The following USP14 variants were observed in gnomAD, a reference collection of about 807,000 sequenced individuals.
USP14 encodes the protein ubiquitin specific peptidase 14, also known as ubiquitin carboxyl-terminal hydrolase 14.
USP14 carries 38 observed loss-of-function variants against 76.5 expected under a neutral mutation model. That is an observed-to-expected ratio of 0.50 (90% CI 0.38 to 0.65). The LOEUF (loss-of-function observed/expected upper bound fraction) is 0.65. Ranked by LOEUF, USP14 falls within the 30% of genes least tolerant of loss-of-function variation. USP14 has a pLI of 0.00. For synonymous variants in USP14, 192 were observed against 191.7 expected, an observed-to-expected ratio of 1.00 and a Z score of -0.01; for missense variants, 467 against 586.5, an observed-to-expected ratio of 0.80 and a Z score of 2.10.
intron 6 of USP14, among the ~76,000 whole-genome samples, chr18:193,446 T>C (rs1187759786): frequency 1.3e-5 from 2 of 152,196 alleles, no homozygotes; most frequent in Non-Finnish European, 2.9e-5. Context: ...TTTATTGATA[T>C]AGTGTACATA....
intron 3 of USP14, among the ~76,000 whole-genome samples, chr18:176,594 T>C: frequency 6.6e-6 from 1 of 152,220 alleles, no homozygotes; most frequent in African/African-American, 2.4e-5. Context: ...GAGTGCTTAG[T>C]ATATATGGTA....
At position 204,733 on chromosome 18, in the gene USP14, T is replaced by TCTCC. The variant is rs753330679; in HGVS notation, c.1164+43_1164+46dup. The TCTCC allele has an allele frequency of 1.9e-6, 3 of 1,597,652 alleles. No individual in the cohort carries two copies. The East Asian group carries it at 6.7e-5, about 36-fold the overall frequency. On this transcript the variant is annotated intron_variant, in intron 13 of 15. Coordinates refer to ENST00000261601, the MANE Select transcript of USP14 (RefSeq NM_005151.4). ...TGACTTTATACTCTTAATATCTTAA[T>TCTCC]CTCCCATCAGTGCTCAGCAATTACT...
rs1359339882 is a variant in USP14, at chr18:173,366, C to T, written c.196-5567C>T. Among the ~76,000 whole-genome samples, 3 of 151,868 alleles carry T rather than the reference C, an allele frequency of 2.0e-5. No homozygotes were observed. In the East Asian group the frequency reaches 5.8e-4, roughly 29 times the overall value. On this transcript the variant is annotated intron_variant, in intron 3 of 15. Coordinates refer to ENST00000261601, the MANE Select transcript of USP14 (RefSeq NM_005151.4). ...GACCTCGTGATCAGCCCGCCTTGGC[C>T]TCCCAAAGTGCTGGGATTACAGGCT...
intron 10 of USP14, among the ~76,000 whole-genome samples, chr18:199,890 T>A (rs1343447308): frequency 6.6e-6 from 1 of 152,226 alleles, no homozygotes; most frequent in Non-Finnish European, 1.5e-5. Flanking sequence ...ATTCATTGAT[T>A]CAGTGCTTGT....
rs574424143 is a variant in USP14 at position 213,929 on chromosome 18, TA to T, written c.*2648del. On this transcript the variant is annotated 3_prime_UTR_variant, in exon 16 of 16. Coordinates refer to ENST00000261601, the MANE Select transcript of USP14 (RefSeq NM_005151.4). ...GTGAGGTTTTAGACTTCATTTCTTT[TA>T]AAGTTGGCAAACAAACATTTTCTGT... 1 of 152,010 alleles carries T rather than the reference TA, an allele frequency of 6.6e-6. No homozygotes were observed. The highest frequency in any genetic ancestry group is 1.9e-4 in the East Asian group (1 of 5,192). 9.4% of individuals were successfully genotyped at this position (152,010 alleles called of 1,614,324 possible).
chr18:188,138 T>A (rs1909983398), intron 5 of USP14, among the ~76,000 whole-genome samples: 1 of 152,288 alleles, frequency 6.6e-6, no homozygotes, highest in Non-Finnish European at 1.5e-5. Context: ...TGATCTTGGG[T>A]TTGGTGGAAA....
rs191396180 is a variant in USP14, at chr18:205,752, A to G, written c.1164+1060A>G. ...GCCATGATTGTGCCACAGCACTCCA[A>G]CCTGTATAACAAAGCAAGACTCTGT... On this transcript the variant is annotated intron_variant, in intron 13 of 15. Coordinates refer to ENST00000261601, the MANE Select transcript of USP14 (RefSeq NM_005151.4). Among the ~76,000 whole-genome samples the G allele has an allele frequency of 1.5e-3, 234 of 152,168 alleles. 1 individual carries two copies. Among genetic ancestry groups the G allele is most frequent in the Non-Finnish European group, 2.4e-3 (164 of 68,014 alleles).
intron 5 of USP14, among the ~76,000 whole-genome samples, chr18:182,799 G>C (rs1909821061): frequency 6.6e-6 from 1 of 152,168 alleles, no homozygotes; most frequent in Non-Finnish European, 1.5e-5. Flanking sequence ...CTGGAGGAAA[G>C]AGTTTTTAAG....
intron 11 of USP14, 54 bp downstream of exon 11, chr18:202,999 GTTAA>G (rs1248556729): frequency 6.2e-7 from 1 of 1,605,880 alleles, no homozygotes; most frequent in Admixed American, 1.7e-5. Context: ...AATATTTCCA[GTTAA>G]TTAATTTTAT....
Position 211,400 on chromosome 18 carries a change from G to A in USP14, c.*116G>A. The A allele has an allele frequency of 9.0e-7, 1 of 1,108,484 alleles. No homozygotes were observed. Among genetic ancestry groups the A allele is most frequent in the Non-Finnish European group, 1.3e-6 (1 of 796,550 alleles). 68.7% of individuals were successfully genotyped at this position (1,108,484 alleles called of 1,614,324 possible). On this transcript the variant is annotated 3_prime_UTR_variant, in exon 16 of 16. Transcript: ENST00000261601. ...GTGGGTTTATGTTTCACCTCATTTG[G>A]AACAAAAGAGGACAGAAGCAGACCA...
At chr18:194,883 A>G (rs1237988881) in intron 6 of USP14, among the ~76,000 whole-genome samples, 1 of 152,186 alleles carries the variant, frequency 6.6e-6, no homozygotes, top group Non-Finnish European at 1.5e-5. Flanking sequence ...GTGAGCTGAG[A>G]TTGTGTCAGT....
At chr18:179,125 C>A in intron 4 of USP14, 88 bp downstream of exon 4, 2 of 841,882 alleles carry the variant, frequency 2.4e-6, no homozygotes, top group Non-Finnish European at 3.7e-6. Context: ...ATCTGAATGT[C>A]TTGAAGACTT....
Position 199,322 on chromosome 18 carries a change from G to A in USP14, c.876+6G>A, listed in dbSNP as rs1910324193. On this transcript the variant is annotated splice_donor_region_variant and intron_variant, in intron 10 of 15. Transcript: ENST00000261601. Reference sequence around the variant, plus strand: ...TTTTTACAGGACTTAAATTGGTAAGGACAATCTCAGTCCATCCTTGTTGTT... The same window carrying A: ...TTTTTACAGGACTTAAATTGGTAAGAACAATCTCAGTCCATCCTTGTTGTT... The A allele has an allele frequency of 6.4e-7, 1 of 1,573,144 alleles. No homozygotes were observed. The highest frequency in any genetic ancestry group is 2.2e-5 in the East Asian group (1 of 44,566).
intron 3 of USP14, among the ~76,000 whole-genome samples, chr18:174,447 G>A (rs1909567542): frequency 6.6e-6 from 1 of 151,560 alleles, no homozygotes; most frequent in African/African-American, 2.4e-5. Context: ...TGTATTTTTA[G>A]TAGAGACGGG....
At chr18:172,940 T>C (rs2144223129) in intron 3 of USP14, among the ~76,000 whole-genome samples, 1 of 152,240 alleles carries the variant, frequency 6.6e-6, no homozygotes, top group South Asian at 2.1e-4. Flanking sequence ...TAATACTCTT[T>C]TGTTGGATAG....
In USP14 at chr18:196,679, G is replaced by C. The variant is rs773014517; in HGVS notation, c.506G>C (p.Ser169Thr). The change falls in exon 7 of 16, where the codon AGT becomes ACT. Residue 169 changes from serine (S) to threonine (T), a missense_variant. Transcript: ENST00000261601. The stretch of plus-strand genomic sequence containing the variant: ...GATTCCATGGATAAAACTTCTTCCA[G>C]TATTCCACCTATTATTCTACTGCAG... ...LFDSMDKTSS[S>T]IPPIILLQFL... 1 of 1,614,020 alleles carries C rather than the reference G, an allele frequency of 6.2e-7. No individual in the cohort carries two copies. Among genetic ancestry groups the C allele is most frequent in the South Asian group, 1.1e-5 (1 of 91,044 alleles).
intron 2 of USP14, 120 bp downstream of exon 2, chr18:163,573 T>A: frequency 9.0e-7 from 1 of 1,110,502 alleles, no homozygotes; most frequent in African/African-American, 1.6e-5. Flanking sequence ...ATGATGAGAG[T>A]ATGTCAGCTA....
intron 6 of USP14, 56 bp from the exon 7 acceptor site, chr18:196,581 C>T (rs1047990093): frequency 1.2e-4 from 183 of 1,533,972 alleles, no homozygotes; most frequent in Admixed American, 2.3e-4. Context: ...AATTTACAGT[C>T]GCGTGTATTA....
intron 1 of USP14, 43 bp downstream of exon 1, chr18:158,757 G>T (rs1032117025): frequency 6.9e-7 from 1 of 1,452,918 alleles, no homozygotes; most frequent in African/African-American, 1.5e-5. Context: ...CCGGACCGGC[G>T]CTAGGCCTCC....
Sources: gnomAD v4.1 joint callset for allele counts (sites outside exome capture counted in the v4.1 genomes callset) on GRCh38, gnomAD v4.1.1 for gene constraint, MANE v1.5 for transcripts, NCBI Gene and HGNC (gene_info 2026-07-23, HGNC 2026-07-21) for gene names.